The following RAB5B variants were observed in gnomAD, a reference collection of about 807,000 sequenced individuals.
RAB5B encodes ras-related protein Rab-5B.
A neutral mutation model predicts 28.6 loss-of-function variants in RAB5B; 11 were observed. The observed-to-expected ratio is 0.38, with a 90% CI of 0.24 to 0.64. The LOEUF (loss-of-function observed/expected upper bound fraction) is 0.64. Among genes scored for constraint, RAB5B ranks in the 30% least tolerant of loss-of-function variants. The probability of loss-of-function intolerance (pLI) is 0.53; values close to 1 mark genes in which losing one functional copy is unlikely to be tolerated. For synonymous variants in RAB5B, 93 were observed against 97.9 expected (o/e 0.95, Z 0.29); for missense variants, 169 against 265.6 (o/e 0.64, Z 2.53).
intron 1 of RAB5B, among the ~76,000 whole-genome samples, chr12:55,983,315 C>G (rs1343101177): frequency 2.0e-5 from 3 of 152,092 alleles, no homozygotes; most frequent in African/African-American, 2.4e-5. Flanking sequence ...CTCCTGACCT[C>G]TCAAACACCA....
chr12:55,980,142 T>C (rs567290799), intron 1 of RAB5B, among the ~76,000 whole-genome samples: 1 of 152,240 alleles, frequency 6.6e-6, no homozygotes, highest in Non-Finnish European at 1.5e-5. Context: ...AAAACCCAGG[T>C]AAGGTCTGAA....
intron 1 of RAB5B, among the ~76,000 whole-genome samples, chr12:55,976,038 C>T (rs1889638747): frequency 6.6e-6 from 1 of 152,112 alleles, no homozygotes; most frequent in Non-Finnish European, 1.5e-5. Context: ...GCGTGAGCCA[C>T]CACACCCGGC....
At chr12:55,980,269 T>C (rs1889763754) in intron 1 of RAB5B, among the ~76,000 whole-genome samples, 1 of 152,108 alleles carries the variant, frequency 6.6e-6, no homozygotes, top group Non-Finnish European at 1.5e-5. Context: ...TCTTTTCCTT[T>C]CTGCTTTTCC....
At chr12:55,989,550 G>C (rs181197014) in intron 2 of RAB5B, among the ~76,000 whole-genome samples, 1 of 152,210 alleles carries the variant, frequency 6.6e-6, no homozygotes, top group Non-Finnish European at 1.5e-5. Context: ...AAAGTGCTGG[G>C]ATTACAGGCG....
chr12:55,974,630 A>T (rs1027618184), intron 1 of RAB5B, among the ~76,000 whole-genome samples: 1 of 152,210 alleles, frequency 6.6e-6, no homozygotes, highest in African/African-American at 2.4e-5. Context: ...CTTTTCAGGG[A>T]AAGTGCCTAT....
chr12:55,992,232 C>A lies in RAB5B; in HGVS notation c.*20C>A. 6.3e-7 allele frequency: 1 copy of A among 1,577,158 alleles called. No individual in the cohort carries two copies. On this transcript the variant is annotated 3_prime_UTR_variant, in exon 6 of 6. Coordinates refer to ENST00000360299, the MANE Select transcript of RAB5B (RefSeq NM_002868.4). The stretch of plus-strand genomic sequence containing the variant: ...AACTGAGGGGGTGGCTAGCAGCAAA[C>A]AAGTATGGAGCTAGCACAAGAGCTA...
intron 2 of RAB5B, 56 bp from the exon 3 acceptor site, chr12:55,989,878 AGGGGGGGAGGGAT>A: frequency 6.5e-7 from 1 of 1,527,996 alleles, no homozygotes. Flanking sequence ...TACATTTTGA[AGGGGGGGAGGGAT>A]GTTCCCATTC....
intron 1 of RAB5B, among the ~76,000 whole-genome samples, chr12:55,976,345 C>T (rs1565784640): frequency 6.6e-6 from 1 of 152,050 alleles, no homozygotes; most frequent in Non-Finnish European, 1.5e-5. Flanking sequence ...TTCATTTTGT[C>T]TTCTACCAAG....
intron 4 of RAB5B, 128 bp downstream of exon 4, chr12:55,990,932 A>G (rs1158047357): frequency 1.7e-6 from 2 of 1,198,240 alleles, no homozygotes; most frequent in Admixed American, 2.2e-5. Context: ...TTCTACACCA[A>G]GTTAAATACA....
At chr12:55,983,897 C>T (rs1281199882) in intron 1 of RAB5B, among the ~76,000 whole-genome samples, 1 of 152,036 alleles carries the variant, frequency 6.6e-6, no homozygotes, top group Non-Finnish European at 1.5e-5. Context: ...TCACCTCAAG[C>T]AAGGCTTCCC....
At chr12:55,984,207 C>A (rs1347064574) in intron 1 of RAB5B, among the ~76,000 whole-genome samples, 2 of 147,872 alleles carry the variant, frequency 1.4e-5, no homozygotes, top group African/African-American at 5.0e-5. Context: ...TTTTTTTAGA[C>A]TGAGTCTCGC....
chr12:55,989,886 A>C (rs1592805961), intron 2 of RAB5B, 61 bp from the exon 3 acceptor site: 1 of 1,523,698 alleles, frequency 6.6e-7, no homozygotes, highest in East Asian at 2.3e-5. Context: ...GAAGGGGGGG[A>C]GGGATGTTCC....
intron 1 of RAB5B, 62 bp from the exon 2 acceptor site, chr12:55,986,807 T>C: frequency 1.5e-6 from 1 of 663,874 alleles, no homozygotes; most frequent in Middle Eastern, 4.0e-4. Flanking sequence ...TATCCTTCTC[T>C]GAAAAGCGAT....
At position 55,980,726 on chromosome 12, in the gene RAB5B, AT is replaced by A. The variant is rs1889780563; in HGVS notation, c.-92-6142del. On this transcript the variant is annotated intron_variant, in intron 1 of 5. Coordinates refer to ENST00000360299, the MANE Select transcript of RAB5B (RefSeq NM_002868.4). ...TGAGGCATTCTCCATGATGCTTTTCATCCAGTTCTGAATATTCTCGAAAGAT... is the reference window on the plus strand; with the variant it reads ...TGAGGCATTCTCCATGATGCTTTTCACCAGTTCTGAATATTCTCGAAAGAT... 7 of 1,580,660 alleles carry A rather than the reference AT, an allele frequency of 4.4e-6. No individual in the cohort carries two copies. In the Admixed American group the frequency reaches 1.2e-4, roughly 26 times the overall value.
Position 55,986,997 on chromosome 12 carries a change from C to T in RAB5B, c.37C>T (p.Pro13Ser), listed in dbSNP as rs1565788151. 1 of 1,605,642 alleles carries T rather than the reference C, an allele frequency of 6.2e-7. No individual in the cohort carries two copies. Among genetic ancestry groups the T allele is most frequent in the Non-Finnish European group, 8.5e-7 (1 of 1,176,738 alleles). Residue 13 changes from proline to serine, a missense_variant, in exon 2 of 6, where the codon CCC becomes TCC. Pro to Ser is a moderately conservative substitution (Grantham distance 74). This residue lies in a region of RAB5B where 43 missense variants were observed against 85.8 expected (regional missense o/e 0.50). Transcript: ENST00000360299. ...SRSTARPNGQ[P>S]QASKICQFKL... ...AAGCACAGCTAGGCCCAATGGGCAACCCCAGGCCAGCAAAATTTGCCAGTT... is the reference window on the plus strand; with the variant it reads ...AAGCACAGCTAGGCCCAATGGGCAATCCCAGGCCAGCAAAATTTGCCAGTT...
In RAB5B at chr12:55,990,083, C is replaced by T. The variant is rs757437076; in HGVS notation, c.300C>T (p.Tyr100=). ...GTGCCCAAGCTGCAATCGTGGTTTA[C>T]GACATTACTAATCAGGTAAGTGAGC... ...YRGAQAAIVV[Y]DITNQETFAR... The change falls in exon 3 of 6, where the codon TAC becomes TAT. Residue 100 remains tyrosine, a synonymous_variant. Transcript: ENST00000360299. 18 of 1,613,692 alleles carry T rather than the reference C, an allele frequency of 1.1e-5. No homozygotes were observed. Among genetic ancestry groups the T allele is most frequent in the East Asian group, 8.9e-5 (4 of 44,888 alleles).
At chr12:55,990,236 C>T (rs761756679) in intron 3 of RAB5B, 138 bp downstream of exon 3, 146 of 972,972 alleles carry the variant, frequency 1.5e-4, no homozygotes, top group Non-Finnish European at 2.0e-4. Flanking sequence ...GGTGAAACCC[C>T]GTCTCTACTA....
intron 2 of RAB5B, among the ~76,000 whole-genome samples, chr12:55,988,575 C>T (rs948593316): frequency 7.9e-5 from 12 of 152,234 alleles, no homozygotes; most frequent in African/African-American, 2.9e-4. Flanking sequence ...GCAATCTTGG[C>T]TCATTGCAAC....
chr12:55,988,718 G>T (rs1412580142), intron 2 of RAB5B, among the ~76,000 whole-genome samples: 1 of 151,994 alleles, frequency 6.6e-6, no homozygotes, highest in African/African-American at 2.4e-5. Flanking sequence ...GGCCAGGCTG[G>T]TCTCAAACTC....
Sources: gnomAD v4.1 joint callset for allele counts (sites outside exome capture counted in the v4.1 genomes callset) on GRCh38, gnomAD v4.1.1 for gene constraint, gnomAD v4.1.1 regional missense constraint, MANE v1.5 for transcripts, NCBI Gene and HGNC (gene_info 2026-07-23, HGNC 2026-07-21) for gene names.